DNAH3: variants seen among roughly 807,000 people sequenced by gnomAD.
DNAH3 encodes axonemal beta dynein heavy chain 3.
Under a neutral mutation model 432.5 loss-of-function variants are expected in DNAH3, and 332 were observed. The ratio of observed to expected loss-of-function variants is 0.77; its 90% CI spans 0.70 to 0.84. DNAH3 has a LOEUF of 0.84. DNAH3 is among the 40% of genes least tolerant of loss of function. The probability of loss-of-function intolerance (pLI) is 0.00; values close to 1 mark genes in which losing one functional copy is unlikely to be tolerated. For synonymous variants in DNAH3, 1,956 were observed against 1,900.2 expected, an observed-to-expected ratio of 1.03 and a Z score of -0.76; for missense variants, 4,861 against 5,114.0, an observed-to-expected ratio of 0.95 and a Z score of 1.51.
intron 24 of DNAH3, among the ~76,000 whole-genome samples, chr16:21,066,649 G>A (rs905835931): frequency 4.6e-5 from 7 of 152,086 alleles, no homozygotes; most frequent in Non-Finnish European, 1.0e-4. Flanking sequence ...GATTATAGGC[G>A]TGAGCCACCA....
At chr16:21,070,352 G>A (rs1011298013) in intron 22 of DNAH3, among the ~76,000 whole-genome samples, 4 of 151,872 alleles carry the variant, frequency 2.6e-5, no homozygotes, top group Non-Finnish European at 4.4e-5. Flanking sequence ...GCGCGATCTC[G>A]GCTCACTGCA....
chr16:20,969,756 C>A lies in DNAH3; in HGVS notation c.8458+36G>T, dbSNP rs762054239. On this transcript the variant is annotated intron_variant, in intron 52 of 61. Coordinates refer to ENST00000261383, the Ensembl canonical transcript of DNAH3. ...CTGGCACCCCACTGCCAGGAAAGAG[C>A]AGCCTGTGCAGGCATCTGGGTGGGG... 6 of 1,610,356 alleles carry A rather than the reference C, an allele frequency of 3.7e-6. No individual in the cohort carries two copies. The East Asian group carries it at 8.9e-5, about 24-fold the overall frequency.
chr16:21,128,876 A>C (rs937707442), intron 7 of DNAH3, among the ~76,000 whole-genome samples: 6 of 141,220 alleles, frequency 4.2e-5, no homozygotes, highest in Admixed American at 7.2e-5. Context: ...AAAAAAAAAA[A>C]AAAAAAAAGC....
At chr16:21,049,846 T>G in intron 30 of DNAH3, 64 bp downstream of exon 30, 4 of 1,438,314 alleles carry the variant, frequency 2.8e-6, no homozygotes, top group Non-Finnish European at 2.9e-6. Context: ...TGATGCCTAC[T>G]TCCCACAGGA....
rs752783725 is a variant in DNAH3, at chr16:21,037,960, G to A, written c.4751C>T (p.Ala1584Val). 1.5e-5 allele frequency: 24 copies of A among 1,613,936 alleles called. No individual in the cohort carries two copies. In the Middle Eastern group the frequency reaches 6.6e-4, roughly 44 times the overall value. Reference sequence around the variant, plus strand: ...TTGTTCCGAGCACAGGCGGTAGGTCGCAACGATCTTCTGGGCGAGACTAGA... The same window carrying A: ...TTGTTCCGAGCACAGGCGGTAGGTCACAACGATCTTCTGGGCGAGACTAGA... The change falls in exon 34 of 62, where the codon GCG becomes GTG. Residue 1584 changes from alanine (A) to valine (V), a missense_variant. Physicochemically the swap from Ala to Val is moderately conservative, Grantham distance 64 (BLOSUM62 0). Coordinates refer to ENST00000261383, the Ensembl canonical transcript of DNAH3.
intron 4 of DNAH3, 117 bp downstream of exon 5, chr16:21,141,183 A>C (rs747215674): frequency 3.9e-6 from 3 of 774,632 alleles, no homozygotes; most frequent in Non-Finnish European, 6.2e-6. Context: ...CGTGGATAAG[A>C]ATATGATTAT....
At chr16:20,961,596 TGAG>T (rs2084822670) in intron 53 of DNAH3, among the ~76,000 whole-genome samples, 1 of 151,792 alleles carries the variant, frequency 6.6e-6, no homozygotes, top group East Asian at 1.9e-4. Flanking sequence ...GATATCCTTA[TGAG>T]AAGAGGAGAT....
intron 54 of DNAH3, among the ~76,000 whole-genome samples, chr16:20,957,296 A>G (rs2084605577): frequency 6.6e-6 from 1 of 152,238 alleles, no homozygotes; most frequent in African/African-American, 2.4e-5. Context: ...TTGTCATACA[A>G]AAGTAGCCAT....
intron 12 of DNAH3, 97 bp downstream of exon 12, chr16:21,117,106 G>GT (rs1463919171): frequency 1.3e-6 from 1 of 751,558 alleles, no homozygotes; most frequent in Non-Finnish European, 2.2e-6. Flanking sequence ...TATGTGTTCA[G>GT]GTGTTTGGGA....
At chr16:20,948,961 G>GAGAGAGAAGCAGCTGGACATC in intron 56 of DNAH3, among the ~76,000 whole-genome samples, 1 of 152,104 alleles carries the variant, frequency 6.6e-6, no homozygotes, top group East Asian at 1.9e-4. Context: ...AGCCAGCAGA[G>GAGAGAGAAGCAGCTGGACATC]AGAGAGAAGC....
chr16:20,989,966 G>T (rs1450637905), intron 44 of DNAH3, among the ~76,000 whole-genome samples: 1 of 152,222 alleles, frequency 6.6e-6, no homozygotes, highest in Non-Finnish European at 1.5e-5. Context: ...CGCCCACCCG[G>T]AACTCCAGCT....
chr16:20,936,871 C>T lies in DNAH3; in HGVS notation c.11655-18G>A. 1 of 1,596,168 alleles carries T rather than the reference C, an allele frequency of 6.3e-7. No individual in the cohort carries two copies. Among genetic ancestry groups the T allele is most frequent in the South Asian group, 1.1e-5 (1 of 88,866 alleles). On this transcript the variant is annotated intron_variant, in intron 59 of 61. Transcript: ENST00000261383. Reference sequence around the variant, plus strand: ...TGGTCAGCCTGCAAGAACAGAGGAGCTGGCTGAGCTGGGCTCTCCGGTGGC... The same window carrying T: ...TGGTCAGCCTGCAAGAACAGAGGAGTTGGCTGAGCTGGGCTCTCCGGTGGC...
intron 51 of DNAH3, among the ~76,000 whole-genome samples, chr16:20,970,661 G>A (rs545935338): frequency 6.6e-6 from 1 of 152,294 alleles, no homozygotes; most frequent in East Asian, 1.9e-4. Flanking sequence ...GAGGTATGGA[G>A]TTCAGTGCAG....
intron 24 of DNAH3, among the ~76,000 whole-genome samples, chr16:21,063,243 G>C (rs1299139713): frequency 6.6e-6 from 1 of 152,140 alleles, no homozygotes; most frequent in Non-Finnish European, 1.5e-5. Context: ...GATTCTAATA[G>C]AATTGATCTG....
intron 29 of DNAH3, among the ~76,000 whole-genome samples, 179 bp downstream of exon 29, chr16:21,051,491 G>A (rs1434445242): frequency 6.6e-6 from 1 of 152,180 alleles, no homozygotes; most frequent in Non-Finnish European, 1.5e-5. Context: ...TTCCTACTGG[G>A]TTCTCATGTC....
At chr16:21,054,594 T>C (rs2090070298) in intron 27 of DNAH3, 60 bp from the exon 28 acceptor site, 4 of 1,287,692 alleles carry the variant, frequency 3.1e-6, no homozygotes, top group African/African-American at 2.9e-5. Context: ...GTAATCCCCA[T>C]GTCAAGAAAT....
chr16:21,019,696 T>A (rs1305551665), exon 41 of DNAH3: 2 of 1,614,174 alleles, frequency 1.2e-6, no homozygotes, highest in Non-Finnish European at 1.7e-6. Context: ...TCCATGCCCA[T>A]GATCAGGTTG....
At chr16:20,949,114 A>ACC (rs2084192630) in intron 56 of DNAH3, among the ~76,000 whole-genome samples, 1 of 152,030 alleles carries the variant, frequency 6.6e-6, no homozygotes, top group Non-Finnish European at 1.5e-5. Context: ...TTCCTCCTGG[A>ACC]CACTGGACAA....
At chr16:20,975,129 C>A in intron 51 of DNAH3, 104 bp downstream of exon 51, 1 of 1,392,870 alleles carries the variant, frequency 7.2e-7, no homozygotes, top group Non-Finnish European at 9.8e-7. Context: ...CCATGCCCAG[C>A]CTTGCCTACC....
Sources: gnomAD v4.1 joint callset for allele counts (sites outside exome capture counted in the v4.1 genomes callset) on GRCh38, gnomAD v4.1.1 for gene constraint, MANE v1.5 for transcripts, NCBI Gene and HGNC (gene_info 2026-07-23, HGNC 2026-07-21) for gene names.